GNAS: variants seen among roughly 807,000 people sequenced by gnomAD.
GNAS encodes GNAS complex locus.
A neutral mutation model predicts 54.5 loss-of-function variants in GNAS; 8 were observed. The ratio of observed to expected loss-of-function variants is 0.15; its 90% CI spans 0.09 to 0.26. GNAS has a LOEUF of 0.26. GNAS is among the 10% of genes least tolerant of loss of function. The pLI is 1.00. For synonymous variants in GNAS, 204 were observed against 191.4 expected (o/e 1.07, Z -0.54); for missense variants, 170 against 529.8 (o/e 0.32, Z 6.67).
rs1363754371 is a variant in GNAS at position 58,910,501 on chromosome 20, T to TC, written c.1038+102dup. 7.7e-6 allele frequency: 9 copies of TC among 1,166,604 alleles called. No individual in the cohort carries two copies. In the African/African-American group the frequency reaches 1.1e-4, roughly 14 times the overall value. The allele number at this position is 1,166,604 out of a possible 1,614,324, so 72.3% of individuals were successfully genotyped here. A position where few individuals can be genotyped will look rare whatever the true frequency, so the allele number is the denominator to read the frequency against. ...AAATTCAGGGGTTCAGCTACCCAGT[T>TC]CCATGGTTTTAGTTCACGCACATCC... On this transcript the variant is annotated intron_variant, in intron 12 of 12. Coordinates refer to ENST00000371085, the MANE Select transcript of GNAS (RefSeq NM_000516.7). This position sits in a 1 kb window ranked among gnomAD's most constrained non-coding sequence, Gnocchi z 5.8.
chr20:58,853,822 C>A lies in GNAS; in HGVS notation c.43+12936C>A. On this transcript the variant is annotated intron_variant, in intron 1 of 12. Coordinates refer to the GNAS transcript ENST00000306090. This position sits in a 1 kb window ranked among gnomAD's most constrained non-coding sequence, Gnocchi z 4.4. ...CTCTTACAGGTCCCAGACCTTGCTC[C>A]AGGAGGCCCAGGTGCTGCAGGGGTC... 1 of 1,601,196 alleles carries A rather than the reference C, an allele frequency of 6.2e-7. No homozygotes were observed. The highest frequency in any genetic ancestry group is 2.3e-5 in the East Asian group (1 of 44,178).
At chr20:58,884,815 G>A (rs1338111232) in intron 1 of GNAS, 1 of 152,128 alleles carries the variant, frequency 6.6e-6, no homozygotes, top group East Asian at 1.9e-4. Context: ...CCATTAAGTG[G>A]GTCCATTGAT....
upstream of GNAS, chr20:58,840,633 G>T: frequency 6.2e-7 from 1 of 1,606,434 alleles, no homozygotes; most frequent in Non-Finnish European, 8.5e-7. This position sits in a 1 kb window ranked among gnomAD's most constrained non-coding sequence, Gnocchi z 6.0. Context: ...GCCTCCCCAA[G>T]TCGCGCGCCG....
In GNAS at chr20:58,863,395, C is replaced by T. The variant is rs914063131; in HGVS notation, c.43+22509C>T. The T allele has an allele frequency of 2.0e-5, 3 of 152,112 alleles. No individual in the cohort carries two copies. The highest frequency in any genetic ancestry group is 7.2e-5 in the African/African-American group (3 of 41,416). 9.4% of individuals were successfully genotyped at this position (152,112 alleles called of 1,614,324 possible). On this transcript the variant is annotated intron_variant, in intron 1 of 12. Coordinates refer to the GNAS transcript ENST00000306090. The surrounding 1 kb of genome is among the most constrained non-coding windows in gnomAD (Gnocchi z 4.1). ...GTGGAGTTCTGCCCACAGAACTGCA[C>T]ATTGGATCTTACTAAATGTTTTTTA...
intron 1 of GNAS, among the ~76,000 whole-genome samples, chr20:58,847,080 G>A (rs537237836): frequency 2.0e-5 from 3 of 152,360 alleles, no homozygotes; most frequent in East Asian, 3.9e-4. Context: ...TTCAAGCACA[G>A]GTGGTCAGAG....
rs752004692 is a variant in GNAS at position 58,853,922 on chromosome 20, C to G, written c.43+13036C>G. On this transcript the variant is annotated intron_variant, in intron 1 of 12. Coordinates refer to the GNAS transcript ENST00000306090. The surrounding 1 kb of genome is among the most constrained non-coding windows in gnomAD (Gnocchi z 4.4). Reference sequence around the variant, plus strand: ...GCTCCAGAGGAGGCTACAGCCCTCCCCCTGAGGAGACTATGCCATTTGAGC... The same window carrying G: ...GCTCCAGAGGAGGCTACAGCCCTCCGCCTGAGGAGACTATGCCATTTGAGC... The G allele has an allele frequency of 9.3e-6, 15 of 1,610,250 alleles. No homozygotes were observed. Among genetic ancestry groups the G allele is most frequent in the African/African-American group, 4.0e-5 (3 of 74,908 alleles).
Position 58,910,002 on chromosome 20 carries a change from C to T in GNAS, c.891C>T (p.Leu297=), listed in dbSNP as rs767792339. 113 of 1,612,564 alleles carry T rather than the reference C, an allele frequency of 7.0e-5. No homozygotes were observed. Among genetic ancestry groups the T allele is most frequent in the Non-Finnish European group, 9.2e-5 (108 of 1,178,630 alleles). ...TGTTCCTCAACAAGCAAGATCTGCT[C>T]GCTGAGAAAGTCCTTGCTGGGAAAT... ...VILFLNKQDL[L]AEKVLAGKSK... Residue 297 remains leucine, a synonymous_variant, in exon 11 of 13, where the codon CTC becomes CTT. Coordinates refer to ENST00000371085, the MANE Select transcript of GNAS (RefSeq NM_000516.7). The surrounding 1 kb of genome is among the most constrained non-coding windows in gnomAD (Gnocchi z 5.8).
intron 1 of GNAS, chr20:58,855,026 A>T: frequency 3.1e-6 from 5 of 1,612,926 alleles, no homozygotes; most frequent in Non-Finnish European, 4.2e-6. Flanking sequence ...GGACCTCCGG[A>T]TGCCTCCGCT....
At chr20:58,902,081 C>T (rs549429678) in intron 3 of GNAS, among the ~76,000 whole-genome samples, 44 of 150,824 alleles carry the variant, frequency 2.9e-4, no homozygotes, top group Admixed American at 7.3e-4. Flanking sequence ...AAAAGATAAA[C>T]TCTGTCCCCT....
At position 58,863,763 on chromosome 20, in the gene GNAS, A is replaced by C. The variant is rs73307922; in HGVS notation, c.43+22877A>C. On this transcript the variant is annotated intron_variant, in intron 1 of 12. Coordinates refer to the GNAS transcript ENST00000306090. The surrounding 1 kb of genome is among the most constrained non-coding windows in gnomAD (Gnocchi z 4.1). ...CTCTCCCCCTCCATCAAAAGACCACACTATCTCTCTCCTCTTTTCCATTTG... is the reference window on the plus strand; with the variant it reads ...CTCTCCCCCTCCATCAAAAGACCACCCTATCTCTCTCCTCTTTTCCATTTG... 6.6e-6 allele frequency: 1 copy of C among 152,464 alleles called. No homozygotes were observed. Among genetic ancestry groups the C allele is most frequent in the African/African-American group, 2.4e-5 (1 of 41,356 alleles). The allele number at this position is 152,464 out of a possible 1,614,324, so 9.4% of individuals were successfully genotyped here.
rs2085718931 is a variant in GNAS, at chr20:58,841,376, C to A, written c.43+490C>A. 6 of 1,016,260 alleles carry A rather than the reference C, an allele frequency of 5.9e-6. No homozygotes were observed. Among genetic ancestry groups the A allele is most frequent in the Non-Finnish European group, 7.1e-6 (6 of 848,546 alleles). 63.0% of individuals were successfully genotyped at this position (1,016,260 alleles called of 1,614,324 possible). A position where few individuals can be genotyped will look rare whatever the true frequency, so the allele number is the denominator to read the frequency against. On this transcript the variant is annotated intron_variant, in intron 1 of 12. Coordinates refer to the GNAS transcript ENST00000306090. This position sits in a 1 kb window ranked among gnomAD's most constrained non-coding sequence, Gnocchi z 5.0. ...GCTGTAGAGACACCGTTGAAATGTG[C>A]GGAAAGTAATCTGAATGGGAATGGG...
At chr20:58,855,088 T>C (rs1391738861) in intron 1 of GNAS, 1 of 1,613,394 alleles carries the variant, frequency 6.2e-7, no homozygotes, top group Non-Finnish European at 8.5e-7. Flanking sequence ...CGCAACTTAC[T>C]CCGCAACTTT....
chr20:58,853,701 G>T lies in GNAS; in HGVS notation c.43+12815G>T. 5 of 1,613,832 alleles carry T rather than the reference G, an allele frequency of 3.1e-6. No homozygotes were observed. Among genetic ancestry groups the T allele is most frequent in the East Asian group, 2.2e-5 (1 of 44,876 alleles). The stretch of plus-strand genomic sequence containing the variant: ...ACTCATGGAGCCCGGAGCCTTCAGT[G>T]GTGCCAGACCAGGCCTGGGAGGATA... On this transcript the variant is annotated intron_variant, in intron 1 of 12. Coordinates refer to the GNAS transcript ENST00000306090. This position sits in a 1 kb window ranked among gnomAD's most constrained non-coding sequence, Gnocchi z 4.4.
rs186711826 is a variant in GNAS, at chr20:58,886,067, T to G, written c.44-9545T>G. 6.6e-5 allele frequency among the ~76,000 whole-genome samples: 10 copies of G among 152,342 alleles called. No homozygotes were observed. The East Asian group carries it at 1.9e-3, about 29-fold the overall frequency. ...AAGCAGAACAGTATTTTCAAGATTC[T>G]AAGCTGTAGCAAGTCCACTGCTTCA... On this transcript the variant is annotated intron_variant, in intron 1 of 12. Transcript: ENST00000306090.
chr20:58,853,936 T>C lies in GNAS; in HGVS notation c.43+13050T>C. 1 of 1,611,696 alleles carries C rather than the reference T, an allele frequency of 6.2e-7. No individual in the cohort carries two copies. Among genetic ancestry groups the C allele is most frequent in the Non-Finnish European group, 8.5e-7 (1 of 1,179,414 alleles). ...TACAGCCCTCCCCCTGAGGAGACTA[T>C]GCCATTTGAGCTTGATGGAGAAGGA... On this transcript the variant is annotated intron_variant, in intron 1 of 12. Coordinates refer to the GNAS transcript ENST00000306090. The surrounding 1 kb of genome is among the most constrained non-coding windows in gnomAD (Gnocchi z 4.4).
At chr20:58,844,583 G>T (rs2085869752) in intron 1 of GNAS, among the ~76,000 whole-genome samples, 1 of 152,140 alleles carries the variant, frequency 6.6e-6, no homozygotes, top group African/African-American at 2.4e-5. Context: ...TCTAAAATGA[G>T]ATCGCTGAAT....
At position 58,909,933 on chromosome 20, in the gene GNAS, C is replaced by A. The variant is rs766660575; in HGVS notation, c.840-18C>A. On this transcript the variant is annotated intron_variant, in intron 10 of 12. Coordinates refer to ENST00000371085, the MANE Select transcript of GNAS (RefSeq NM_000516.7). The surrounding 1 kb of genome is among the most constrained non-coding windows in gnomAD (Gnocchi z 7.3). Reference sequence around the variant, plus strand: ...AGCGCGCTTCTCCCAAGCATTCACACGGCCTCCCTTCTTGTAGATGGCTGC... The same window carrying A: ...AGCGCGCTTCTCCCAAGCATTCACAAGGCCTCCCTTCTTGTAGATGGCTGC... 6.2e-7 allele frequency: 1 copy of A among 1,613,920 alleles called. No homozygotes were observed. The highest frequency in any genetic ancestry group is 2.2e-5 in the East Asian group (1 of 44,886).
At chr20:58,862,683 T>C (rs1188157259) in intron 1 of GNAS, among the ~76,000 whole-genome samples, 1 of 151,860 alleles carries the variant, frequency 6.6e-6, no homozygotes. Flanking sequence ...TCAGAGTACA[T>C]TCTTTGTTTA....
Position 58,910,925 on chromosome 20 carries a change from ATTAACAAAGCAACC to A in GNAS, c.*99_*112del. ...AGTTAATCACCCACCATAGGGCATG[ATTAACAAAGCAACC>A]TTTCCCTTCCCCCGAGTGATTTTGC... On this transcript the variant is annotated 3_prime_UTR_variant, in exon 13 of 13. Coordinates refer to ENST00000371085, the MANE Select transcript of GNAS (RefSeq NM_000516.7). The surrounding 1 kb of genome is among the most constrained non-coding windows in gnomAD (Gnocchi z 5.8). The A allele has an allele frequency of 8.2e-7, 1 of 1,225,316 alleles. No homozygotes were observed. Among genetic ancestry groups the A allele is most frequent in the Non-Finnish European group, 1.2e-6 (1 of 839,262 alleles). The allele number at this position is 1,225,316 out of a possible 1,614,324, so 75.9% of individuals were successfully genotyped here. A position where few individuals can be genotyped will look rare whatever the true frequency, so the allele number is the denominator to read the frequency against.
Sources: gnomAD v4.1 joint callset for allele counts (sites outside exome capture counted in the v4.1 genomes callset) on GRCh38, gnomAD v4.1.1 for gene constraint, Gnocchi (gnomAD v3.1) non-coding constraint, MANE v1.5 for transcripts, NCBI Gene and HGNC (gene_info 2026-07-23, HGNC 2026-07-21) for gene names.